Variants in KCNQ5 observed in about 807,000 individuals in gnomAD.
The protein encoded by KCNQ5 is potassium voltage-gated channel subfamily Q member 5.
A neutral mutation model predicts 98.2 loss-of-function variants in KCNQ5; 30 were observed. The observed-to-expected ratio is 0.31, with a 90% CI of 0.23 to 0.41. The LOEUF (loss-of-function observed/expected upper bound fraction) is 0.41. Ranked by LOEUF, KCNQ5 falls within the 10% of genes least tolerant of loss-of-function variation. The probability of loss-of-function intolerance (pLI) is 1.00; values close to 1 mark genes in which losing one functional copy is unlikely to be tolerated. For missense variants in KCNQ5, 835 were observed against 1,182.5 expected (o/e 0.71, Z 4.31); for synonymous variants, 458 against 449.4 (o/e 1.02, Z -0.24).
intron 10 of KCNQ5, among the ~76,000 whole-genome samples, chr6:73,165,269 A>G (rs1018767209): frequency 5.9e-5 from 9 of 152,222 alleles, no homozygotes; most frequent in Admixed American, 5.2e-4. Context: ...AAAGGAATGA[A>G]CCACCATGCC....
At chr6:73,106,558 A>C (rs1182542355) in intron 6 of KCNQ5, among the ~76,000 whole-genome samples, 1 of 152,184 alleles carries the variant, frequency 6.6e-6, no homozygotes, top group Non-Finnish European at 1.5e-5. Context: ...TGGCTTATAG[A>C]TGGCTCTTCT....
chr6:72,822,471 T>C (rs1206655090), intron 1 of KCNQ5, among the ~76,000 whole-genome samples: 1 of 152,202 alleles, frequency 6.6e-6, no homozygotes, highest in African/African-American at 2.4e-5. Flanking sequence ...GTTCATAAGA[T>C]TGGTCTGCAC....
chr6:72,632,174 A>G (rs1165049160), intron 1 of KCNQ5, among the ~76,000 whole-genome samples: 19 of 115,538 alleles, frequency 1.6e-4, no homozygotes, highest in African/African-American at 5.7e-4. Flanking sequence ...GTCTCACTCT[A>G]TTGCCCAGGC....
intron 1 of KCNQ5, among the ~76,000 whole-genome samples, chr6:72,699,745 G>A (rs1418017853): frequency 6.6e-6 from 1 of 151,996 alleles, no homozygotes; most frequent in African/African-American, 2.4e-5. Context: ...GGGATGAAAC[G>A]GCTAATTTGA....
intron 10 of KCNQ5, among the ~76,000 whole-genome samples, chr6:73,149,559 A>T (rs1777060411): frequency 6.6e-6 from 1 of 152,154 alleles, no homozygotes; most frequent in Non-Finnish European, 1.5e-5. Context: ...GCACTTTGGG[A>T]TGCTGAGGCA....
At position 72,738,936 on chromosome 6, in the gene KCNQ5, G is replaced by T. The variant is rs1770990273; in HGVS notation, c.398+116349G>T. Among the ~76,000 whole-genome samples the T allele has an allele frequency of 2.0e-5, 3 of 152,118 alleles. No individual in the cohort carries two copies. In the South Asian group the frequency reaches 6.2e-4, roughly 32 times the overall value. Reference sequence around the variant, plus strand: ...TGAGGCAGAACCCGGAGGATTTTTAGGGCAATGAAACTACTCCATGTGATA... The same window carrying T: ...TGAGGCAGAACCCGGAGGATTTTTATGGCAATGAAACTACTCCATGTGATA... On this transcript the variant is annotated intron_variant, in intron 1 of 13. Coordinates refer to ENST00000370398, the MANE Select transcript of KCNQ5 (RefSeq NM_019842.4).
chr6:72,741,581 A>T (rs1042660411), intron 1 of KCNQ5, among the ~76,000 whole-genome samples: 2 of 152,188 alleles, frequency 1.3e-5, no homozygotes, highest in Non-Finnish European at 2.9e-5. Flanking sequence ...CAAGTTATTC[A>T]GGTGCTTCTG....
chr6:72,780,068 A>G (rs1336923336), intron 1 of KCNQ5, among the ~76,000 whole-genome samples: 1 of 152,174 alleles, frequency 6.6e-6, no homozygotes, highest in Non-Finnish European at 1.5e-5. Context: ...AGTTGTACTC[A>G]ACTACCACTA....
At chr6:72,804,444 G>T (rs761309220) in intron 1 of KCNQ5, among the ~76,000 whole-genome samples, 1 of 151,812 alleles carries the variant, frequency 6.6e-6, no homozygotes, top group Non-Finnish European at 1.5e-5. Flanking sequence ...TATGTGCCTG[G>T]CTCATTTCAT....
In KCNQ5 at chr6:73,120,568, G is replaced by A. The variant is rs1440674734; in HGVS notation, c.1211G>A (p.Ser404Asn). The change falls in exon 8 of 14, where the codon AGC becomes AAC. Residue 404 changes from serine to asparagine, a missense_variant. Ser to Asn is a conservative substitution (Grantham distance 46). Transcript: ENST00000370398. ...KPHLKALHTC[S>N]PTKKEQGEAS... Reference sequence around the variant, plus strand: ...CACTTGAAGGCCTTGCACACCTGCAGCCCTACCAAGTAGGTATCAGTGTGA... The same window carrying A: ...CACTTGAAGGCCTTGCACACCTGCAACCCTACCAAGTAGGTATCAGTGTGA... 1 of 1,608,528 alleles carries A rather than the reference G, an allele frequency of 6.2e-7. No homozygotes were observed. The highest frequency in any genetic ancestry group is 8.5e-7 in the Non-Finnish European group (1 of 1,176,034).
chr6:72,779,457 A>G (rs2154477783), intron 1 of KCNQ5, among the ~76,000 whole-genome samples: 1 of 152,282 alleles, frequency 6.6e-6, no homozygotes, highest in Non-Finnish European at 1.5e-5. Flanking sequence ...AAGAGTTCAT[A>G]CTTGACTGTT....
chr6:72,728,566 G>T (rs549212999), intron 1 of KCNQ5, among the ~76,000 whole-genome samples: 1 of 152,190 alleles, frequency 6.6e-6, no homozygotes. Flanking sequence ...AGCAGTCATT[G>T]ATTGGTCCAT....
chr6:73,193,309 A>AT (rs1350983286), intron 13 of KCNQ5, among the ~76,000 whole-genome samples: 1 of 151,562 alleles, frequency 6.6e-6, no homozygotes, highest in Non-Finnish European at 1.5e-5. Context: ...CGTGAGCCAT[A>AT]GCACTCTGCA....
At chr6:73,186,988 G>C (rs942562804) in intron 11 of KCNQ5, among the ~76,000 whole-genome samples, 2 of 151,660 alleles carry the variant, frequency 1.3e-5, no homozygotes, top group Non-Finnish European at 2.9e-5. Context: ...TCCCCGCCCT[G>C]TGCCCAAGTG....
At chr6:72,901,263 A>G (rs1779492647) in intron 1 of KCNQ5, among the ~76,000 whole-genome samples, 1 of 151,736 alleles carries the variant, frequency 6.6e-6, no homozygotes, top group Non-Finnish European at 1.5e-5. Flanking sequence ...CCTTTGTCAC[A>G]TATATAGATT....
chr6:73,067,053 C>T (rs943163741), intron 3 of KCNQ5, among the ~76,000 whole-genome samples: 7 of 152,072 alleles, frequency 4.6e-5, no homozygotes, highest in Admixed American at 2.0e-4. Flanking sequence ...ATAATATTTT[C>T]GCTAAATTTT....
intron 2 of KCNQ5, among the ~76,000 whole-genome samples, chr6:73,040,278 C>A (rs1223963871): frequency 6.6e-6 from 1 of 152,080 alleles, no homozygotes; most frequent in Non-Finnish European, 1.5e-5. Context: ...TCTTGGGATC[C>A]CTTATAATAT....
At chr6:72,945,751 C>T (rs1283407317) in intron 1 of KCNQ5, among the ~76,000 whole-genome samples, 2 of 152,050 alleles carry the variant, frequency 1.3e-5, no homozygotes, top group Non-Finnish European at 2.9e-5. Flanking sequence ...CACTGCTCCC[C>T]ACCTGATATA....
intron 13 of KCNQ5, among the ~76,000 whole-genome samples, chr6:73,192,939 T>G (rs1038708709): frequency 2.0e-5 from 3 of 152,124 alleles, no homozygotes; most frequent in African/African-American, 7.2e-5. Flanking sequence ...TTCCAATAGT[T>G]GAAAATCGTT....
Sources: gnomAD v4.1 joint callset for allele counts (sites outside exome capture counted in the v4.1 genomes callset) on GRCh38, gnomAD v4.1.1 for gene constraint, MANE v1.5 for transcripts, NCBI Gene and HGNC (gene_info 2026-07-23, HGNC 2026-07-21) for gene names.